KNDC1: variants seen among roughly 807,000 people sequenced by gnomAD.
The protein encoded by KNDC1 is kinase non-catalytic C-lobe domain containing 1.
Under a neutral mutation model 172.8 loss-of-function variants are expected in KNDC1, and 106 were observed. The ratio of observed to expected loss-of-function variants is 0.61; its 90% CI spans 0.52 to 0.72. The LOEUF is 0.72. Ranked by LOEUF, KNDC1 falls within the 30% of genes least tolerant of loss-of-function variation. The pLI is 0.00. For missense variants in KNDC1, 2,325 were observed against 2,394.5 expected, an observed-to-expected ratio of 0.97 and a Z score of 0.61; for synonymous variants, 1,083 against 1,062.2, an observed-to-expected ratio of 1.02 and a Z score of -0.38.
intron 3 of KNDC1, among the ~76,000 whole-genome samples, chr10:133,170,204 C>T (rs150428896): frequency 6.1e-4 from 93 of 152,276 alleles, no homozygotes; most frequent in Middle Eastern, 6.8e-3. Flanking sequence ...CACATCTTGG[C>T]GAGGTTTCTC....
At chr10:133,160,690 A>G in intron 1 of KNDC1, 121 bp downstream of exon 1, 1 of 555,152 alleles carries the variant, frequency 1.8e-6, no homozygotes, top group Non-Finnish European at 3.1e-6. Context: ...TCCATGGCCG[A>G]GGGGTTCCCA....
At chr10:133,211,936 G>A in intron 23 of KNDC1, 78 bp downstream of exon 23, 1 of 1,413,792 alleles carries the variant, frequency 7.1e-7, no homozygotes, top group Non-Finnish European at 9.6e-7. Context: ...AGACACAACT[G>A]GTGCATGCAC....
Position 133,167,432 on chromosome 10 carries a change from G to T in KNDC1, c.154G>T (p.Glu52Ter). 1 of 1,605,604 alleles carries T rather than the reference G, an allele frequency of 6.2e-7. No individual in the cohort carries two copies. The highest frequency in any genetic ancestry group is 1.1e-5 in the South Asian group (1 of 89,154). The change falls in exon 2 of 30, where the codon GAG becomes TAG. Residue 52 changes from glutamate to a stop codon, truncating the protein, a stop_gained. Transcript: ENST00000304613. LOFTEE classifies it high-confidence loss of function. ...CTCCCTGCGGGACCGCGGCCTCAGC[G>T]AGCAGGAAGCCTGGGCCGTGTGCCT... ...ILSLRDRGLS[E>*]QEAWAVCLEC...
intron 1 of KNDC1, among the ~76,000 whole-genome samples, chr10:133,166,598 AGT>A (rs1290278247): frequency 6.6e-6 from 1 of 151,888 alleles, no homozygotes; most frequent in Non-Finnish European, 1.5e-5. Context: ...TGGAACTGTG[AGT>A]GTGCACACAC....
rs529148700 is a variant in KNDC1, at chr10:133,211,414, G to A, written c.3909-8G>A. 39 of 1,610,622 alleles carry A rather than the reference G, an allele frequency of 2.4e-5. No homozygotes were observed. The South Asian group carries it at 3.0e-4, about 12-fold the overall frequency. On this transcript the variant is annotated splice_polypyrimidine_tract_variant and splice_region_variant and intron_variant, in intron 21 of 29. Coordinates refer to ENST00000304613, the MANE Select transcript of KNDC1 (RefSeq NM_152643.8). Reference sequence around the variant, plus strand: ...CCTGGCAGCTCAGCAGCTCCCCTGCGTCTCCAGGGCCCACCAGGACCCCAC... The same window carrying A: ...CCTGGCAGCTCAGCAGCTCCCCTGCATCTCCAGGGCCCACCAGGACCCCAC...
chr10:133,195,762 C>G lies in KNDC1; in HGVS notation c.1675C>G (p.Leu559Val). 6.2e-7 allele frequency: 1 copy of G among 1,608,516 alleles called. No individual in the cohort carries two copies. Among genetic ancestry groups the G allele is most frequent in the Non-Finnish European group, 8.5e-7 (1 of 1,177,966 alleles). ...CCTGCCACGCAGGCTCAAGACCCTC[C>G]TCCTGGACATGGCCAGGCGCAGTGC... ...LALPRRLKTL[L>V]LDMARRSAPE... is the part of the protein sequence containing the mutation. Residue 559 changes from leucine to valine, a missense_variant, in exon 10 of 30, where the codon CTC (leucine) becomes GTC (valine). Leu to Val is a conservative substitution (Grantham distance 32, BLOSUM62 1). Transcript: ENST00000304613.
At chr10:133,160,628 C>T (rs1852934725) in intron 1 of KNDC1, 59 bp downstream of exon 1, 2 of 1,274,134 alleles carry the variant, frequency 1.6e-6, no homozygotes, top group African/African-American at 1.5e-5. Context: ...GCGGAGAGCG[C>T]CCGGGGGGAG....
Position 133,222,460 on chromosome 10 carries a change from TGTGA to T in KNDC1, c.5019-2197_5019-2194del, listed in dbSNP as rs1302573724. Among the ~76,000 whole-genome samples, 22 of 71,020 alleles carry T rather than the reference TGTGA, an allele frequency of 3.1e-4. 1 individual carries two copies. Among genetic ancestry groups the T allele is most frequent in the African/African-American group, 7.2e-4 (16 of 22,306 alleles). 46.6% of individuals were successfully genotyped at this position (71,020 alleles called of 152,430 possible). ...GCTCTTCCCGGCGTGTGTGTGTGTG[TGTGA>T]GAGCCCATCCAGGCATGCTCTTCCC... On this transcript the variant is annotated intron_variant, in intron 29 of 29. Transcript: ENST00000304613.
At chr10:133,219,410 C>G (rs1161059317) in intron 28 of KNDC1, among the ~76,000 whole-genome samples, 13 of 152,228 alleles carry the variant, frequency 8.5e-5, no homozygotes, top group Non-Finnish European at 1.9e-4. Context: ...TCCAGGACGG[C>G]AGGGGTGGCC....
At chr10:133,212,412 C>T (rs903721040) in intron 23 of KNDC1, among the ~76,000 whole-genome samples, 2 of 152,248 alleles carry the variant, frequency 1.3e-5, no homozygotes, top group East Asian at 3.8e-4. Flanking sequence ...GAGGAGGGTC[C>T]TGCTGTGACT....
chr10:133,200,444 GT>G lies in KNDC1; in HGVS notation c.2974del (p.Ser992ArgfsTer49). The G allele has an allele frequency of 6.3e-7, 1 of 1,587,730 alleles. No homozygotes were observed. The highest frequency in any genetic ancestry group is 8.6e-7 in the Non-Finnish European group (1 of 1,168,598). The stretch of plus-strand genomic sequence containing the variant: ...CCCGCTCCCCGTCCAGCAAGAGGCC[GT>G]CGCTGCACCGCCTGGGTAAGTGCTG... ...SPRSPSSKRP[S>X]LHRLGKEKPA... On this transcript the variant is annotated frameshift_variant, in exon 16 of 30. Transcript: ENST00000304613. LOFTEE classifies it high-confidence loss of function.
At position 133,225,560 on chromosome 10, in the gene KNDC1, C is replaced by G. The variant is rs1445676258; in HGVS notation, c.*670C>G. On this transcript the variant is annotated 3_prime_UTR_variant, in exon 30 of 30. Coordinates refer to ENST00000304613, the MANE Select transcript of KNDC1 (RefSeq NM_152643.8). ...TGGGCTGGGCCTGCTCCCCCAGGGC[C>G]CAGGGCCCCCCAGCTTAGAACAGCC... is the stretch of plus-strand genomic sequence containing the variant. 6.5e-6 allele frequency: 1 copy of G among 153,092 alleles called. No individual in the cohort carries two copies. The highest frequency in any genetic ancestry group is 1.5e-5 in the Non-Finnish European group (1 of 68,768). 9.5% of individuals were successfully genotyped at this position (153,092 alleles called of 1,614,324 possible).
At chr10:133,164,878 C>T (rs1448270203) in intron 1 of KNDC1, among the ~76,000 whole-genome samples, 1 of 152,214 alleles carries the variant, frequency 6.6e-6, no homozygotes, top group Non-Finnish European at 1.5e-5. Flanking sequence ...GTGTCTCTCC[C>T]AGTCCTCTCG....
intron 2 of KNDC1, 136 bp from the exon 3 acceptor site, chr10:133,168,118 C>T (rs1157664234): frequency 1.2e-5 from 9 of 768,614 alleles, no homozygotes; most frequent in Non-Finnish European, 1.6e-5. Flanking sequence ...TTTTCATGGC[C>T]TAAAATGGTC....
At position 133,209,073 on chromosome 10, in the gene KNDC1, G is replaced by C. The variant is rs769691426; in HGVS notation, c.3795-1538G>C. On this transcript the variant is annotated intron_variant, in intron 20 of 29. Coordinates refer to ENST00000304613, the MANE Select transcript of KNDC1 (RefSeq NM_152643.8). The surrounding 1 kb of genome is among the most constrained non-coding windows in gnomAD (Gnocchi z 4.9). ...TATAGTGTGATGTGTGTGCATGTGT[G>C]GGGTGATGTGTGGCTTGCGTGCCCA... is the stretch of plus-strand genomic sequence containing the variant. Among the ~76,000 whole-genome samples the C allele has an allele frequency of 4.6e-5, 7 of 151,700 alleles. No homozygotes were observed. The highest frequency in any genetic ancestry group is 8.8e-5 in the Non-Finnish European group (6 of 67,930).
In KNDC1 at chr10:133,200,386, A is replaced by C; in HGVS notation, c.2915A>C (p.Glu972Ala). 1 of 1,592,918 alleles carries C rather than the reference A, an allele frequency of 6.3e-7. No homozygotes were observed. The highest frequency in any genetic ancestry group is 8.5e-7 in the Non-Finnish European group (1 of 1,170,726). Residue 972 changes from glutamate to alanine, a missense_variant, in exon 16 of 30, where the codon GAG becomes GCG. By Grantham distance (107) the Glu-to-Ala change is moderately radical. Transcript: ENST00000304613. ...ATTCTCGTCGTCAGCACGGCCGAGG[A>C]GGCTGGGTCACAGCTCGAGGGCAGC... ...QASPSPSTAEEAGSQLEGSQS... is the reference protein window; with the variant it reads ...QASPSPSTAEAAGSQLEGSQS...
chr10:133,207,327 G>C lies in KNDC1; in HGVS notation c.3770G>C (p.Gly1257Ala). The C allele has an allele frequency of 6.2e-7, 1 of 1,612,734 alleles. No individual in the cohort carries two copies. Reference sequence around the variant, plus strand: ...ATCCTGCAGGCCGGCACGCCGCTGGGGCTCATGGCCTACCTGTACTCCAGG... The same window carrying C: ...ATCCTGCAGGCCGGCACGCCGCTGGCGCTCATGGCCTACCTGTACTCCAGG... The part of the protein sequence containing the change: ...ARILQAGTPL[G>A]LMAYLYSSDA... Residue 1257 changes from glycine to alanine, a missense_variant, in exon 20 of 30, where the codon GGG becomes GCG. Transcript: ENST00000304613.
chr10:133,200,719 G>GTGC (rs1589761988), intron 16 of KNDC1, among the ~76,000 whole-genome samples: 1 of 152,212 alleles, frequency 6.6e-6, no homozygotes, highest in Non-Finnish European at 1.5e-5. Context: ...TCTTCTGGGG[G>GTGC]CGAGCAGGAG....
In KNDC1 at chr10:133,183,464, G is replaced by T. The variant is rs1410232960; in HGVS notation, c.481G>T (p.Asp161Tyr). ...GCTGCTGAGCCGGATGCAGGCGGAGGACCCCGGGGACCGGCCGGACCTTGA... is the reference window on the plus strand; with the variant it reads ...GCTGCTGAGCCGGATGCAGGCGGAGTACCCCGGGGACCGGCCGGACCTTGA... ...EALLSRMQAE[D>Y]PGDRPDLESI... Residue 161 changes from aspartate to tyrosine, a missense_variant, in exon 4 of 30, where the codon GAC becomes TAC. Coordinates refer to ENST00000304613, the MANE Select transcript of KNDC1 (RefSeq NM_152643.8). 6.2e-7 allele frequency: 1 copy of T among 1,604,824 alleles called. No individual in the cohort carries two copies. The highest frequency in any genetic ancestry group is 1.7e-5 in the Admixed American group (1 of 59,208).
Sources: gnomAD v4.1 joint callset for allele counts (sites outside exome capture counted in the v4.1 genomes callset) on GRCh38, gnomAD v4.1.1 for gene constraint, Gnocchi (gnomAD v3.1) non-coding constraint, MANE v1.5 for transcripts, NCBI Gene and HGNC (gene_info 2026-07-23, HGNC 2026-07-21) for gene names.